The following HNF4G variants were observed in gnomAD, a reference collection of about 807,000 sequenced individuals.
HNF4G encodes the protein hepatocyte nuclear factor 4 gamma, also known as hepatocyte nuclear factor 4-gamma.
HNF4G carries 21 observed loss-of-function variants against 50.9 expected under a neutral mutation model. That is an observed-to-expected ratio of 0.41 (90% CI 0.29 to 0.59). HNF4G has a LOEUF of 0.59. Among genes scored for constraint, HNF4G ranks in the 20% least tolerant of loss-of-function variants. HNF4G has a pLI of 0.26. For synonymous variants in HNF4G, 198 were observed against 185.6 expected, an observed-to-expected ratio of 1.07 and a Z score of -0.54; for missense variants, 527 against 559.4, an observed-to-expected ratio of 0.94 and a Z score of 0.58.
At chr8:75,512,602 C>A (rs1019323400) in intron 2 of HNF4G, among the ~76,000 whole-genome samples, 2 of 151,822 alleles carry the variant, frequency 1.3e-5, no homozygotes, top group Admixed American at 1.3e-4. Flanking sequence ...GTAGCTGGGA[C>A]TACAGGCGCC....
intron 1 of HNF4G, among the ~76,000 whole-genome samples, chr8:75,430,300 G>C (rs1810980620): frequency 6.6e-6 from 1 of 152,158 alleles, no homozygotes; most frequent in South Asian, 2.1e-4. Context: ...ATGTTTGGAA[G>C]TTCTTCACTG....
intron 2 of HNF4G, among the ~76,000 whole-genome samples, chr8:75,528,631 G>T (rs1175620648): frequency 1.3e-5 from 2 of 152,166 alleles, no homozygotes; most frequent in South Asian, 2.1e-4. Flanking sequence ...TTTTAAAATG[G>T]TTCAATGCAG....
At chr8:75,451,088 T>C (rs1208346179) in intron 1 of HNF4G, among the ~76,000 whole-genome samples, 1 of 152,224 alleles carries the variant, frequency 6.6e-6, no homozygotes, top group Non-Finnish European at 1.5e-5. Context: ...CAATTAGTAA[T>C]GTTGAACATT....
intron 2 of HNF4G, among the ~76,000 whole-genome samples, chr8:75,530,794 CTT>C (rs71567126): frequency 6.8e-5 from 9 of 132,120 alleles, no homozygotes; most frequent in Non-Finnish European, 7.9e-5. Flanking sequence ...GTTCAATGTG[CTT>C]TTTTTTTTTT....
At chr8:75,510,261 ATG>A (rs1244656095) in intron 2 of HNF4G, among the ~76,000 whole-genome samples, 1 of 152,206 alleles carries the variant, frequency 6.6e-6, no homozygotes, top group Non-Finnish European at 1.5e-5. Flanking sequence ...ACAGTTGACA[ATG>A]TGTATATGTT....
At chr8:75,500,894 G>T (rs1812908989) in intron 2 of HNF4G, among the ~76,000 whole-genome samples, 1 of 152,060 alleles carries the variant, frequency 6.6e-6, no homozygotes, top group Admixed American at 6.6e-5. Context: ...ATGTATATTG[G>T]TTTTTTGAGG....
chr8:75,416,699 T>C (rs1810644690), intron 1 of HNF4G, among the ~76,000 whole-genome samples: 1 of 152,254 alleles, frequency 6.6e-6, no homozygotes, highest in African/African-American at 2.4e-5. Flanking sequence ...ACAGCATGTC[T>C]ATGTAGACTT....
intron 1 of HNF4G, among the ~76,000 whole-genome samples, chr8:75,468,001 A>G (rs80206595): frequency 0.1 from 15,560 of 152,202 alleles, 896 homozygotes; most frequent in Non-Finnish European, 0.12. Context: ...CGTCATATAT[A>G]TTTATACAAA....
intron 1 of HNF4G, among the ~76,000 whole-genome samples, chr8:75,410,024 TTATTTTTCTTTAA>T (rs1810462687): frequency 6.6e-6 from 1 of 152,192 alleles, no homozygotes. Context: ...ATTCTGAAAT[TTATTTTTCTTTAA>T]TATTTTTCAA....
chr8:75,412,171 TAAGA>T (rs1410247506), intron 1 of HNF4G, among the ~76,000 whole-genome samples: 1 of 152,194 alleles, frequency 6.6e-6, no homozygotes, highest in African/African-American at 2.4e-5. Flanking sequence ...TATTGATGAA[TAAGA>T]AAGAGAGTCT....
At chr8:75,424,384 T>A (rs1364062022) in intron 1 of HNF4G, among the ~76,000 whole-genome samples, 2 of 152,224 alleles carry the variant, frequency 1.3e-5, no homozygotes, top group Non-Finnish European at 2.9e-5. Flanking sequence ...CTTTATTTTT[T>A]AAATTTCCAT....
intron 1 of HNF4G, among the ~76,000 whole-genome samples, chr8:75,438,989 T>C (rs1370983487): frequency 6.6e-6 from 1 of 152,146 alleles, no homozygotes; most frequent in Non-Finnish European, 1.5e-5. Flanking sequence ...CATTATTTCT[T>C]TGTAGTTGCA....
At chr8:75,496,804 C>CTG (rs1554575136) in intron 2 of HNF4G, among the ~76,000 whole-genome samples, 3 of 148,286 alleles carry the variant, frequency 2.0e-5, no homozygotes, top group Non-Finnish European at 3.0e-5. Context: ...TACATTATTA[C>CTG]TATATATATA....
intron 2 of HNF4G, among the ~76,000 whole-genome samples, chr8:75,501,025 A>G (rs943593805): frequency 2.6e-5 from 4 of 151,972 alleles, no homozygotes; most frequent in Non-Finnish European, 4.4e-5. Flanking sequence ...AAATGTGTTT[A>G]TAGTTTATCA....
chr8:75,437,409 A>G (rs1171815087), intron 1 of HNF4G, among the ~76,000 whole-genome samples: 2 of 152,214 alleles, frequency 1.3e-5, no homozygotes, highest in Non-Finnish European at 2.9e-5. Context: ...TCTTTCTACA[A>G]TCCCTCTAGA....
Position 75,539,967 on chromosome 8 carries a change from T to G in HNF4G, c.5T>G (p.Met2Arg). Reference sequence around the variant, plus strand: ...TGTATGTGTGTTTCTAAATCAATGATGAGGGTATCAGAACCAATACTGGAC... The same window carrying G: ...TGTATGTGTGTTTCTAAATCAATGAGGAGGGTATCAGAACCAATACTGGAC... M[M>R]RVSEPILDMD... The change falls in exon 1 of 10, where the codon ATG becomes AGG. Residue 2 changes from methionine (M) to arginine (R), a missense_variant. Met to Arg is a moderately conservative substitution (Grantham distance 91). Transcript: ENST00000396423. 9.2e-5 allele frequency: 125 copies of G among 1,355,646 alleles called. No individual in the cohort carries two copies. Among genetic ancestry groups the G allele is most frequent in the Middle Eastern group, 1.8e-4 (1 of 5,576 alleles). The allele number at this position is 1,355,646 out of a possible 1,614,324, so 84.0% of individuals were successfully genotyped here.
At position 75,543,850 on chromosome 8, in the gene HNF4G, A is replaced by G. The variant is rs1356586873; in HGVS notation, c.158A>G (p.Asn53Ser). 2.5e-6 allele frequency: 4 copies of G among 1,613,138 alleles called. No homozygotes were observed. In the African/African-American group the frequency reaches 4.0e-5, roughly 16 times the overall value. The change falls in exon 2 of 10, where the codon AAC (asparagine) becomes AGC (serine). Residue 53 changes from asparagine to serine, a missense_variant. Around this residue, in one of 5 missense-constraint regions of HNF4G, gnomAD observed 84 missense variants for 87.1 expected, o/e 0.96. Coordinates refer to ENST00000396423, the MANE Select transcript of HNF4G (RefSeq NM_004133.5). Reference sequence around the variant, plus strand: ...GAGACAAGTATGAATACCACAGACAACGGTGTCAACTGTCTGTGTGCTATC... The same window carrying G: ...GAGACAAGTATGAATACCACAGACAGCGGTGTCAACTGTCTGTGTGCTATC... ...APETSMNTTD[N>S]GVNCLCAICG... is the part of the protein sequence containing the mutation.
At chr8:75,542,435 G>A (rs1057362808) in intron 1 of HNF4G, among the ~76,000 whole-genome samples, 4 of 151,326 alleles carry the variant, frequency 2.6e-5, no homozygotes, top group African/African-American at 7.3e-5. Flanking sequence ...CAGAAACCTG[G>A]TAGCTAGCTC....
At chr8:75,505,517 G>GT (rs1813053883) in intron 2 of HNF4G, among the ~76,000 whole-genome samples, 1 of 152,102 alleles carries the variant, frequency 6.6e-6, no homozygotes. Context: ...GATCCAGAAT[G>GT]TTTTGAAACA....
Sources: allele counts gnomAD v4.1 joint callset (sites outside exome capture counted in the v4.1 genomes callset), GRCh38; gene constraint gnomAD v4.1.1; regional missense constraint gnomAD v4.1.1; transcripts MANE v1.5; gene names NCBI Gene and HGNC (gene_info 2026-07-23, HGNC 2026-07-21).